Variants in MUC7 observed in about 807,000 individuals in gnomAD.
MUC7 encodes the protein mucin-7.
MUC7 carries 2 observed loss-of-function variants against 2.5 expected under a neutral mutation model. The observed-to-expected ratio is 0.81, with a 90% CI of 0.33 to 2.55. The LOEUF is 2.55. Ranked by LOEUF, MUC7 falls within the 30% of genes most tolerant of loss-of-function variation. The probability of loss-of-function intolerance (pLI) is 0.11; values close to 1 mark genes in which losing one functional copy is unlikely to be tolerated. For synonymous variants in MUC7, 133 were observed against 173.4 expected, an observed-to-expected ratio of 0.77 and a Z score of 1.83; for missense variants, 408 against 455.6, an observed-to-expected ratio of 0.90 and a Z score of 0.95.
chr4:70,435,389 T>C (rs576361776), intron 1 of MUC7, among the ~76,000 whole-genome samples: 1 of 152,356 alleles, frequency 6.6e-6, no homozygotes, highest in Admixed American at 6.5e-5. Flanking sequence ...GATGCTCCTG[T>C]ATTGGGTGTG....
chr4:70,465,423 C>T (rs975203202), intron 1 of MUC7, among the ~76,000 whole-genome samples: 2 of 152,058 alleles, frequency 1.3e-5, no homozygotes, highest in South Asian at 4.1e-4. Context: ...CAGAAGTAGG[C>T]TTCAGAAGGT....
At chr4:70,439,679 G>A (rs879582968) in intron 1 of MUC7, among the ~76,000 whole-genome samples, 1 of 151,732 alleles carries the variant, frequency 6.6e-6, no homozygotes, top group Non-Finnish European at 1.5e-5. Context: ...TTGTACAATG[G>A]TTTCTTATCT....
At chr4:70,478,638 C>G (rs879756017) in intron 2 of MUC7, among the ~76,000 whole-genome samples, 1 of 152,164 alleles carries the variant, frequency 6.6e-6, no homozygotes, top group African/African-American at 2.4e-5. Flanking sequence ...TCTGGACATT[C>G]TTTGCAACAT....
At chr4:70,469,493 T>C (rs1002758752), upstream of MUC7, among the ~76,000 whole-genome samples, 1 of 152,152 alleles carries the variant, frequency 6.6e-6, no homozygotes, top group Non-Finnish European at 1.5e-5. Flanking sequence ...GGACAAAATT[T>C]TTGCAATCTA....
upstream of MUC7, among the ~76,000 whole-genome samples, chr4:70,469,271 G>A (rs1734766498): frequency 1.3e-5 from 2 of 152,154 alleles, no homozygotes; most frequent in Non-Finnish European, 2.9e-5. Flanking sequence ...ATGGATTAAA[G>A]ACTTAAATGT....
At chr4:70,462,799 C>T (rs1734587879) in intron 1 of MUC7, among the ~76,000 whole-genome samples, 4 of 90,846 alleles carry the variant, frequency 4.4e-5, no homozygotes, top group Admixed American at 1.5e-4. Flanking sequence ...ATAGCAAGAC[C>T]CTATCTCTAA....
At chr4:70,447,382 T>G (rs1734172354) in intron 1 of MUC7, among the ~76,000 whole-genome samples, 1 of 152,122 alleles carries the variant, frequency 6.6e-6, no homozygotes, top group Non-Finnish European at 1.5e-5. Flanking sequence ...TGTTTAGAAC[T>G]ATTATTTTGA....
intron 1 of MUC7, among the ~76,000 whole-genome samples, chr4:70,437,206 C>T (rs556008914): frequency 3.6e-4 from 55 of 152,296 alleles, no homozygotes; most frequent in Non-Finnish European, 6.8e-4. Flanking sequence ...GCTGGAATGC[C>T]GTGCTGGAAG....
At chr4:70,448,687 G>C (rs1734200891) in intron 1 of MUC7, among the ~76,000 whole-genome samples, 2 of 151,976 alleles carry the variant, frequency 1.3e-5, no homozygotes, top group Admixed American at 1.3e-4. Context: ...TTGTCAGATG[G>C]GTAGCTTGCA....
At chr4:70,475,356 C>G (rs1734966146) in intron 2 of MUC7, among the ~76,000 whole-genome samples, 1 of 152,110 alleles carries the variant, frequency 6.6e-6, no homozygotes, top group Non-Finnish European at 1.5e-5. Context: ...TATTAGACTT[C>G]CACATCAAGA....
At chr4:70,434,739 C>A (rs1178825688) in intron 1 of MUC7, among the ~76,000 whole-genome samples, 1 of 152,100 alleles carries the variant, frequency 6.6e-6, no homozygotes, top group African/African-American at 2.4e-5. Flanking sequence ...AATTTCTTGC[C>A]TTCTGCGAGC....
chr4:70,466,780 G>A (rs565489698), intron 1 of MUC7, among the ~76,000 whole-genome samples: 5 of 152,274 alleles, frequency 3.3e-5, no homozygotes, highest in African/African-American at 4.8e-5. Context: ...GACCTACAAA[G>A]AGACTTAGAC....
At chr4:70,478,265 T>C (rs145685065) in intron 2 of MUC7, among the ~76,000 whole-genome samples, 1 of 152,210 alleles carries the variant, frequency 6.6e-6, no homozygotes, top group Admixed American at 6.5e-5. Context: ...CTTTATTCAA[T>C]AACAAATTAG....
At chr4:70,460,228 C>G (rs2109725574) in intron 1 of MUC7, among the ~76,000 whole-genome samples, 1 of 152,016 alleles carries the variant, frequency 6.6e-6, no homozygotes, top group East Asian at 1.9e-4. Context: ...AGATACATAA[C>G]AAAGTAGGAT....
At chr4:70,480,002 C>T (rs1478292766) in intron 2 of MUC7, among the ~76,000 whole-genome samples, 1 of 152,170 alleles carries the variant, frequency 6.6e-6, no homozygotes, top group Non-Finnish European at 1.5e-5. Context: ...GAAAGCCTTT[C>T]AGCAGGTGTA....
In MUC7 at chr4:70,482,603, G is replaced by A. The variant is rs3822162; in HGVS notation, c.*725G>A. On this transcript the variant is annotated 3_prime_UTR_variant, in exon 3 of 3. Coordinates refer to ENST00000304887, the MANE Select transcript of MUC7 (RefSeq NM_152291.3). ...ATTGTGTTGTGTCTAAGTTAATTTC[G>A]ATCTAATGTACCTGATTCTAGCCTC... 22,849 of 152,100 alleles carry A rather than the reference G, an allele frequency of 0.15. 1,868 individuals are homozygous for A. The highest frequency in any genetic ancestry group is 0.25 in the Middle Eastern group (73 of 296). The allele number at this position is 152,100 out of a possible 1,614,324, so 9.4% of individuals were successfully genotyped here.
At chr4:70,470,660 A>G (rs1177665430), upstream of MUC7, among the ~76,000 whole-genome samples, 8 of 152,196 alleles carry the variant, frequency 5.3e-5, no homozygotes. Context: ...AAATTTTTCT[A>G]TTGAAGTCAT....
intron 1 of MUC7, among the ~76,000 whole-genome samples, chr4:70,460,499 T>C (rs1385488901): frequency 4.6e-5 from 7 of 150,622 alleles, no homozygotes; most frequent in Non-Finnish European, 8.9e-5. Flanking sequence ...GAGTGGGGGA[T>C]GGAATCTCAC....
At chr4:70,436,270 C>T (rs1212670717) in intron 1 of MUC7, among the ~76,000 whole-genome samples, 1 of 152,170 alleles carries the variant, frequency 6.6e-6, no homozygotes, top group East Asian at 1.9e-4. Context: ...TGGGGAAGTT[C>T]TCCTGGATAT....
Sources: allele counts gnomAD v4.1 joint callset (sites outside exome capture counted in the v4.1 genomes callset), GRCh38; gene constraint gnomAD v4.1.1; transcripts MANE v1.5; gene names NCBI Gene and HGNC (gene_info 2026-07-23, HGNC 2026-07-21).